CNTNAP2: variants seen among roughly 807,000 people sequenced by gnomAD.
CNTNAP2 encodes contactin-associated protein-like 2.
A neutral mutation model predicts 155.2 loss-of-function variants in CNTNAP2; 98 were observed. The observed-to-expected ratio is 0.63, with a 90% CI of 0.54 to 0.75. The LOEUF is 0.75. Ranked by LOEUF, CNTNAP2 falls within the 30% of genes least tolerant of loss-of-function variation. The probability of loss-of-function intolerance (pLI) is 0.00; values close to 1 mark genes in which losing one functional copy is unlikely to be tolerated. For missense variants in CNTNAP2, 1,727 were observed against 1,688.1 expected, an observed-to-expected ratio of 1.02 and a Z score of -0.40; for synonymous variants, 651 against 631.2, an observed-to-expected ratio of 1.03 and a Z score of -0.47.
chr7:147,225,822 G>A (rs1426272815), intron 8 of CNTNAP2, among the ~76,000 whole-genome samples: 10 of 108,276 alleles, frequency 9.2e-5, no homozygotes, highest in African/African-American at 3.4e-4. Flanking sequence ...AAGGAAAGAA[G>A]GAAAGAAGGA....
At position 147,527,015 on chromosome 7, in the gene CNTNAP2, C is replaced by CTTTTTTTTTTTTTTTTTTTTTTT. The variant is rs888976222; in HGVS notation, c.1778-35118_1778-35096dup. On this transcript the variant is annotated intron_variant, in intron 11 of 23. Coordinates refer to ENST00000361727, the MANE Select transcript of CNTNAP2 (RefSeq NM_014141.6). ...CATGAATTATGGAAGACAGGCATTT[C>CTTTTTTTTTTTTTTTTTTTTTTT]TTTTTTTTTTTTTTTTTTTTTTTTT... Among the ~76,000 whole-genome samples, 6 of 65,166 alleles carry CTTTTTTTTTTTTTTTTTTTTTTT rather than the reference C, an allele frequency of 9.2e-5. 1 individual carries two copies. The highest frequency in any genetic ancestry group is 3.9e-4 in the African/African-American group (5 of 12,766). The allele number at this position is 65,166 out of a possible 152,430, so 42.8% of individuals were successfully genotyped here. A position where few individuals can be genotyped will look rare whatever the true frequency, so the allele number is the denominator to read the frequency against.
intron 1 of CNTNAP2, among the ~76,000 whole-genome samples, chr7:146,377,716 G>A (rs184082789): frequency 6.6e-6 from 1 of 152,280 alleles, no homozygotes; most frequent in Non-Finnish European, 1.5e-5. Context: ...TGGAATAAGA[G>A]TCTTTATCTT....
intron 13 of CNTNAP2, among the ~76,000 whole-genome samples, chr7:147,688,405 A>C (rs1213106465): frequency 6.6e-6 from 1 of 152,190 alleles, no homozygotes; most frequent in Non-Finnish European, 1.5e-5. Flanking sequence ...CATGCATGCT[A>C]ACTTCACATT....
intron 13 of CNTNAP2, among the ~76,000 whole-genome samples, chr7:147,760,242 C>CTAA (rs138979741): frequency 0.31 from 46,301 of 149,340 alleles, 8,063 homozygotes; most frequent in African/African-American, 0.49. Flanking sequence ...TTGAGCTTCA[C>CTAA]GGGAAAAAAA....
Position 147,183,391 on chromosome 7 carries a change from T to C in CNTNAP2, c.1348+50882T>C, listed in dbSNP as rs535698492. On this transcript the variant is annotated intron_variant, in intron 8 of 23. Coordinates refer to ENST00000361727, the MANE Select transcript of CNTNAP2 (RefSeq NM_014141.6). ...AGTCTACTAAAGCCTAATTAAGATT[T>C]ATAATTAGAAAGTTAAATTATACAG... is the stretch of plus-strand genomic sequence containing the variant. Among the ~76,000 whole-genome samples the C allele has an allele frequency of 3.9e-5, 6 of 152,324 alleles. No homozygotes were observed. In the South Asian group the frequency reaches 1.2e-3, roughly 32 times the overall value.
intron 13 of CNTNAP2, among the ~76,000 whole-genome samples, chr7:147,808,008 G>T (rs544033439): frequency 2.6e-5 from 4 of 151,910 alleles, no homozygotes; most frequent in African/African-American, 9.7e-5. Flanking sequence ...ATAAAAAGTA[G>T]TTTGAGACTT....
intron 1 of CNTNAP2, among the ~76,000 whole-genome samples, chr7:146,360,251 C>A (rs1199609464): frequency 6.6e-6 from 1 of 152,144 alleles, no homozygotes; most frequent in Non-Finnish European, 1.5e-5. Context: ...CAGGTGTCAG[C>A]TAGACACATT....
intron 1 of CNTNAP2, among the ~76,000 whole-genome samples, chr7:146,299,993 T>C (rs1393566990): frequency 6.6e-6 from 1 of 152,168 alleles, no homozygotes; most frequent in Non-Finnish European, 1.5e-5. Flanking sequence ...GGAAGTAATA[T>C]AAGCTGGTCG....
chr7:147,819,618 C>T lies in CNTNAP2; in HGVS notation c.2099-83947C>T, dbSNP rs185370419. 1.6e-4 allele frequency among the ~76,000 whole-genome samples: 24 copies of T among 152,172 alleles called. No homozygotes were observed. In the East Asian group the frequency reaches 4.6e-3, roughly 29 times the overall value. ...TTTGGTAAATTTTGACAAATGTATACACCTGTGTATCCCACACCCATCAAG... is the reference window on the plus strand; with the variant it reads ...TTTGGTAAATTTTGACAAATGTATATACCTGTGTATCCCACACCCATCAAG... On this transcript the variant is annotated intron_variant, in intron 13 of 23. Transcript: ENST00000361727.
At chr7:146,718,982 C>A (rs564760698) in intron 1 of CNTNAP2, among the ~76,000 whole-genome samples, 1 of 152,204 alleles carries the variant, frequency 6.6e-6, no homozygotes, top group South Asian at 2.1e-4. Flanking sequence ...GTAGAACATG[C>A]CTTTCTCCTA....
chr7:146,578,163 T>C (rs1220119176), intron 1 of CNTNAP2, among the ~76,000 whole-genome samples: 7 of 152,142 alleles, frequency 4.6e-5, no homozygotes, highest in Non-Finnish European at 1.0e-4. Flanking sequence ...ATAATATTTC[T>C]AAGTTATAAT....
rs2530311 is a variant in CNTNAP2, at chr7:148,419,358, A to G, written c.*3742A>G. On this transcript the variant is annotated 3_prime_UTR_variant, in exon 24 of 24. Transcript: ENST00000361727. ...CCTGATCCTAAACCAGTGCGAAACA[A>G]ACAGTAACAATGTCCCCAGCTGACT... The G allele has an allele frequency of 0.47, 72,188 of 151,994 alleles. 17,645 individuals carry two copies. Among genetic ancestry groups the G allele is most frequent in the Middle Eastern group, 0.65 (191 of 294 alleles). 9.4% of individuals were successfully genotyped at this position (151,994 alleles called of 1,614,324 possible).
rs191081328 is a variant in CNTNAP2 at position 146,802,623 on chromosome 7, T to C, written c.208+28242T>C. ...TTGTTTCCTGTCTCCTGCTCCACCATGGTAAAACACGCATGCCTCACCTTC... is the reference window on the plus strand; with the variant it reads ...TTGTTTCCTGTCTCCTGCTCCACCACGGTAAAACACGCATGCCTCACCTTC... On this transcript the variant is annotated intron_variant, in intron 2 of 23. Coordinates refer to ENST00000361727, the MANE Select transcript of CNTNAP2 (RefSeq NM_014141.6). 1.2e-4 allele frequency among the ~76,000 whole-genome samples: 19 copies of C among 152,210 alleles called. No individual in the cohort carries two copies. In the East Asian group the frequency reaches 3.1e-3, roughly 25 times the overall value.
chr7:147,455,204 C>T (rs376649285), intron 10 of CNTNAP2, among the ~76,000 whole-genome samples: 7 of 152,158 alleles, frequency 4.6e-5, no homozygotes, highest in South Asian at 4.1e-4. Context: ...TTTTCATTTT[C>T]GTTCCTTAAT....
At chr7:147,070,784 G>T (rs1219612389) in intron 4 of CNTNAP2, among the ~76,000 whole-genome samples, 1 of 152,160 alleles carries the variant, frequency 6.6e-6, no homozygotes, top group Non-Finnish European at 1.5e-5. Context: ...AATTTCTCTT[G>T]AATATACTCA....
At chr7:147,916,074 G>T (rs1056652387) in intron 14 of CNTNAP2, among the ~76,000 whole-genome samples, 1 of 152,100 alleles carries the variant, frequency 6.6e-6, no homozygotes, top group Non-Finnish European at 1.5e-5. Context: ...TTTACCTTGG[G>T]GATGAACTAA....
At chr7:148,178,634 C>T (rs1453893918) in intron 18 of CNTNAP2, among the ~76,000 whole-genome samples, 2 of 152,236 alleles carry the variant, frequency 1.3e-5, no homozygotes, top group Non-Finnish European at 1.5e-5. Context: ...TTGAATCCAT[C>T]TTTCTCACAT....
chr7:147,394,028 G>A lies in CNTNAP2; in HGVS notation c.1499-1581G>A, dbSNP rs534661443. Among the ~76,000 whole-genome samples the A allele has an allele frequency of 2.4e-4, 37 of 152,168 alleles. 1 individual carries two copies. Among genetic ancestry groups the A allele is most frequent in the African/African-American group, 8.7e-4 (36 of 41,552 alleles). On this transcript the variant is annotated intron_variant, in intron 9 of 23. Coordinates refer to ENST00000361727, the MANE Select transcript of CNTNAP2 (RefSeq NM_014141.6). ...TTAATAACTGGTATGGTTTGGCTGT[G>A]TCTCCACCCAAATCTCATCTTGAAT...
chr7:148,007,904 G>A (rs773680199), intron 15 of CNTNAP2, among the ~76,000 whole-genome samples: 2 of 152,130 alleles, frequency 1.3e-5, no homozygotes, highest in Admixed American at 6.5e-5. Context: ...GCAGAATAAT[G>A]TCCGCCACCA....
Sources: allele counts gnomAD v4.1 joint callset (sites outside exome capture counted in the v4.1 genomes callset), GRCh38; gene constraint gnomAD v4.1.1; transcripts MANE v1.5; gene names NCBI Gene and HGNC (gene_info 2026-07-23, HGNC 2026-07-21).